The following CAMK1D variants were observed in gnomAD, a reference collection of about 807,000 sequenced individuals.
CAMK1D encodes the protein calcium/calmodulin-dependent protein kinase type 1D.
A neutral mutation model predicts 47.7 loss-of-function variants in CAMK1D; 9 were observed. The observed-to-expected ratio is 0.19, with a 90% CI of 0.11 to 0.33. The LOEUF (loss-of-function observed/expected upper bound fraction) is 0.33. CAMK1D is among the 10% of genes least tolerant of loss of function. CAMK1D has a pLI of 1.00. For missense variants in CAMK1D, 291 were observed against 488.7 expected, an observed-to-expected ratio of 0.60 and a Z score of 3.81; for synonymous variants, 184 against 184.9, an observed-to-expected ratio of 0.99 and a Z score of 0.04.
chr10:12,542,015 T>G (rs1836211141), intron 1 of CAMK1D, among the ~76,000 whole-genome samples: 1 of 151,912 alleles, frequency 6.6e-6, no homozygotes, highest in Non-Finnish European at 1.5e-5. Flanking sequence ...GCTGGGACAA[T>G]AGGCATGCAC....
intron 2 of CAMK1D, among the ~76,000 whole-genome samples, chr10:12,607,713 C>A (rs1410136845): frequency 2.0e-5 from 3 of 152,232 alleles, no homozygotes; most frequent in African/African-American, 7.2e-5. Context: ...GTAATCCCAG[C>A]ACTCTGGGAG....
intron 1 of CAMK1D, among the ~76,000 whole-genome samples, chr10:12,358,017 T>A (rs910248961): frequency 3.9e-5 from 6 of 152,298 alleles, no homozygotes; most frequent in African/African-American, 1.2e-4. Flanking sequence ...AGCTATCTGT[T>A]CTCTGTGTCT....
chr10:12,576,712 C>T (rs1214362822), intron 2 of CAMK1D, among the ~76,000 whole-genome samples: 2 of 152,202 alleles, frequency 1.3e-5, no homozygotes, highest in African/African-American at 4.8e-5. Context: ...TGACAAGAGG[C>T]AGAGCTCAGG....
At chr10:12,689,720 G>T (rs1390840793) in intron 3 of CAMK1D, among the ~76,000 whole-genome samples, 1 of 151,350 alleles carries the variant, frequency 6.6e-6, no homozygotes, top group Non-Finnish European at 1.5e-5. Context: ...AGGTTGCGTT[G>T]AGCCGAGATC....
chr10:12,401,627 G>A lies in CAMK1D; in HGVS notation c.92+51717G>A, dbSNP rs888316007. Among the ~76,000 whole-genome samples, 63 of 151,596 alleles carry A rather than the reference G, an allele frequency of 4.2e-4. 1 individual carries two copies. The highest frequency in any genetic ancestry group is 1.4e-3 in the African/African-American group (56 of 41,282). The stretch of plus-strand genomic sequence containing the variant: ...CCACAAGGAGCCTCAGAAGGGGGCC[G>A]TCAGGGTGCCTCAGTTTGTCTGGGA... On this transcript the variant is annotated intron_variant, in intron 1 of 10. Coordinates refer to ENST00000619168, the MANE Select transcript of CAMK1D (RefSeq NM_153498.4).
At chr10:12,827,476 T>TC (rs1833283669) in intron 10 of CAMK1D, among the ~76,000 whole-genome samples, 2 of 5,060 alleles carry the variant, frequency 4.0e-4, no homozygotes, top group East Asian at 5.0e-3. Flanking sequence ...CTGTCTGTCT[T>TC]TCTTTCTTTC....
At chr10:12,457,145 C>T (rs1254887577) in intron 1 of CAMK1D, among the ~76,000 whole-genome samples, 1 of 152,066 alleles carries the variant, frequency 6.6e-6, no homozygotes, top group Non-Finnish European at 1.5e-5. Context: ...AATCCCAGCA[C>T]TGTAGGAAGC....
Position 12,404,554 on chromosome 10 carries a change from C to G in CAMK1D, c.92+54644C>G, listed in dbSNP as rs147325749. On this transcript the variant is annotated intron_variant, in intron 1 of 10. Coordinates refer to ENST00000619168, the MANE Select transcript of CAMK1D (RefSeq NM_153498.4). ...GGAGAGAAAGCTGTTTGTTACTGTT[C>G]ATTATGTATTGTACAGGGTGATGCT... Among the ~76,000 whole-genome samples the G allele has an allele frequency of 9.6e-3, 1,459 of 152,204 alleles. 21 individuals are homozygous for G. The highest frequency in any genetic ancestry group is 0.034 in the African/African-American group (1,402 of 41,520).
At chr10:12,399,058 C>G (rs1839075592) in intron 1 of CAMK1D, among the ~76,000 whole-genome samples, 1 of 152,094 alleles carries the variant, frequency 6.6e-6, no homozygotes, top group African/African-American at 2.4e-5. Flanking sequence ...GCAGGTCTCT[C>G]TTGAGTGGAA....
chr10:12,811,061 G>A (rs1046684623), intron 6 of CAMK1D, among the ~76,000 whole-genome samples: 1 of 152,246 alleles, frequency 6.6e-6, no homozygotes, highest in Non-Finnish European at 1.5e-5. Flanking sequence ...TGGAGGCAGT[G>A]AAGAGTGCTT....
chr10:12,769,172 G>A (rs2482051), intron 4 of CAMK1D, among the ~76,000 whole-genome samples: 111,895 of 152,086 alleles, frequency 0.74, 41,959 homozygotes, highest in East Asian at 0.88. Flanking sequence ...GCAGGGGAGC[G>A]AGCACGGGTC....
chr10:12,676,511 A>T (rs898972824), intron 3 of CAMK1D, among the ~76,000 whole-genome samples: 5 of 152,218 alleles, frequency 3.3e-5, no homozygotes, highest in African/African-American at 1.2e-4. Flanking sequence ...TAGGCGCTTA[A>T]CAAATGCTTA....
intron 1 of CAMK1D, among the ~76,000 whole-genome samples, chr10:12,426,390 G>A (rs551367657): frequency 4.6e-5 from 7 of 152,270 alleles, no homozygotes; most frequent in African/African-American, 1.7e-4. Flanking sequence ...GGGATTACAG[G>A]CATGCGCCAC....
chr10:12,763,870 T>C (rs931560042), intron 4 of CAMK1D, among the ~76,000 whole-genome samples: 3 of 152,202 alleles, frequency 2.0e-5, no homozygotes, highest in Admixed American at 1.3e-4. Context: ...GAAAACTTAA[T>C]TTTTCCAGTG....
intron 1 of CAMK1D, among the ~76,000 whole-genome samples, chr10:12,382,825 A>C (rs972097097): frequency 6.6e-6 from 1 of 152,142 alleles, no homozygotes; most frequent in Non-Finnish European, 1.5e-5. Flanking sequence ...ACTTCATCTC[A>C]AACAAACAAA....
intron 2 of CAMK1D, among the ~76,000 whole-genome samples, chr10:12,600,205 A>C (rs945378399): frequency 6.6e-6 from 1 of 152,098 alleles, no homozygotes; most frequent in Non-Finnish European, 1.5e-5. Context: ...AAAACAGGAG[A>C]GATACTCAAG....
At chr10:12,433,098 A>G (rs750116057) in intron 1 of CAMK1D, among the ~76,000 whole-genome samples, 27 of 152,230 alleles carry the variant, frequency 1.8e-4, no homozygotes, top group Non-Finnish European at 3.4e-4. Flanking sequence ...GGAAAGACCC[A>G]TAAAGCACAC....
intron 1 of CAMK1D, among the ~76,000 whole-genome samples, chr10:12,352,451 A>G (rs373103105): frequency 6.6e-6 from 1 of 151,818 alleles, no homozygotes; most frequent in African/African-American, 2.4e-5. Flanking sequence ...GCTACTAACA[A>G]TAACAAAATT....
intron 2 of CAMK1D, among the ~76,000 whole-genome samples, chr10:12,629,309 C>G (rs146712813): frequency 2.0e-3 from 301 of 152,278 alleles, no homozygotes; most frequent in African/African-American, 7.1e-3. Context: ...TTTAGCCTTA[C>G]CTTTTGGTTT....
Sources: allele counts gnomAD v4.1 joint callset (sites outside exome capture counted in the v4.1 genomes callset), GRCh38; gene constraint gnomAD v4.1.1; transcripts MANE v1.5; gene names NCBI Gene and HGNC (gene_info 2026-07-23, HGNC 2026-07-21).